The following SLC3A2 variants were observed in gnomAD, a reference collection of about 807,000 sequenced individuals.
SLC3A2 encodes the protein amino acid transporter heavy chain SLC3A2.
In SLC3A2, 32 loss-of-function variants were observed where a neutral mutation model predicts 48.5. That is an observed-to-expected ratio of 0.66 (90% CI 0.50 to 0.89). The LOEUF is 0.89. SLC3A2 is among the 40% of genes least tolerant of loss of function. SLC3A2 has a pLI of 0.00. For synonymous variants in SLC3A2, 277 were observed against 288.8 expected, an observed-to-expected ratio of 0.96 and a Z score of 0.41; for missense variants, 587 against 680.7, an observed-to-expected ratio of 0.86 and a Z score of 1.53.
intron 1 of SLC3A2, chr11:62,870,750 G>A (rs1467848756): frequency 1.7e-5 from 3 of 178,886 alleles, no homozygotes; most frequent in Non-Finnish European, 3.4e-5. Context: ...TGTAGAGTTG[G>A]GGTCTCACTG....
At chr11:62,884,764 G>T (rs924179879) in intron 5 of SLC3A2, 74 bp downstream of exon 5, 27 of 1,223,702 alleles carry the variant, frequency 2.2e-5, no homozygotes, top group Non-Finnish European at 2.8e-5. Context: ...GCCTAAGAAG[G>T]GGGGATTCCT....
At chr11:62,885,125 C>G in intron 5 of SLC3A2, 52 bp from the exon 6 acceptor site, 1 of 1,595,488 alleles carries the variant, frequency 6.3e-7, no homozygotes, top group Admixed American at 1.7e-5. Context: ...GCCACTGCGC[C>G]TGGCCCCATT....
At position 62,881,143 on chromosome 11, in the gene SLC3A2, T is replaced by C; in HGVS notation, c.120T>C (p.Asn40=). The change falls in exon 1 of 9, where the codon AAT becomes AAC. Residue 40 remains asparagine (N), a synonymous_variant. Transcript: ENST00000338663. The surrounding 1 kb of genome is among the most constrained non-coding windows in gnomAD (Gnocchi z 4.0). ...TGTCCCTGGCGGGAGCCGAGAAGAATGGTCTGGTGAAGATCAAGGTGGCGG... is the reference window on the plus strand; with the variant it reads ...TGTCCCTGGCGGGAGCCGAGAAGAACGGTCTGGTGAAGATCAAGGTGGCGG... The part of the protein sequence containing the change: ...AAMSLAGAEK[N]GLVKIKVAED... The C allele has an allele frequency of 6.2e-7, 1 of 1,603,384 alleles. No individual in the cohort carries two copies. The highest frequency in any genetic ancestry group is 1.3e-5 in the African/African-American group (1 of 74,970).
At chr11:62,872,996 T>A (rs569276855) in intron 1 of SLC3A2, among the ~76,000 whole-genome samples, 67 of 152,320 alleles carry the variant, frequency 4.4e-4, no homozygotes, top group African/African-American at 1.5e-3. Context: ...CAATATTTTA[T>A]ATTCTCTTTC....
chr11:62,865,885 C>T (rs895910726), intron 1 of SLC3A2, among the ~76,000 whole-genome samples: 3 of 152,048 alleles, frequency 2.0e-5, no homozygotes, highest in Non-Finnish European at 4.4e-5. Flanking sequence ...GGAGATACTT[C>T]CCCGTATATC....
rs35320203 is a variant in SLC3A2, at chr11:62,865,561, C to CAAA, written c.112+9200_112+9202dup. Among the ~76,000 whole-genome samples, 316 of 86,296 alleles carry CAAA rather than the reference C, an allele frequency of 3.7e-3. 1 individual carries two copies. Among genetic ancestry groups the CAAA allele is most frequent in the Non-Finnish European group, 4.6e-3 (225 of 48,688 alleles). 56.6% of individuals were successfully genotyped at this position (86,296 alleles called of 152,430 possible). A position where few individuals can be genotyped will look rare whatever the true frequency, so the allele number is the denominator to read the frequency against. On this transcript the variant is annotated intron_variant, in intron 1 of 9. Coordinates refer to the SLC3A2 transcript ENST00000377889. ...ACAGAGCAAGACTCTGTCTCCCCCA[C>CAAA]AAAAAAAAAAAAAAAAAAAAAAGTT...
chr11:62,856,131 C>A, upstream of SLC3A2: 2 of 643,716 alleles, frequency 3.1e-6, no homozygotes, highest in Non-Finnish European at 5.1e-6. Context: ...GGTTTTCTCA[C>A]CCAGTGCATG....
chr11:62,876,838 T>C (rs190424203), upstream of SLC3A2: 476 of 853,816 alleles, frequency 5.6e-4, no homozygotes, highest in African/African-American at 6.3e-3. Flanking sequence ...CTGACCTCAA[T>C]TGATCCGACT....
At chr11:62,885,685 T>G (rs1334161532) in intron 7 of SLC3A2, 77 bp downstream of exon 7, 27 of 1,529,804 alleles carry the variant, frequency 1.8e-5, no homozygotes, top group Middle Eastern at 3.4e-4. Flanking sequence ...TGGCGGCACA[T>G]AGACGTGAGC....
In SLC3A2 at chr11:62,881,664, A is replaced by T. The variant is rs2085641241; in HGVS notation, c.424+217A>T. The T allele has an allele frequency of 1.2e-6, 1 of 865,330 alleles. No homozygotes were observed. The highest frequency in any genetic ancestry group is 2.8e-5 in the East Asian group (1 of 36,118). 53.6% of individuals were successfully genotyped at this position (865,330 alleles called of 1,614,324 possible). On this transcript the variant is annotated intron_variant, in intron 1 of 8. Transcript: ENST00000338663. This position sits in a 1 kb window ranked among gnomAD's most constrained non-coding sequence, Gnocchi z 4.0. ...CCTCACTCCGTCACGAGGGTGGGTG[A>T]CTCAGCGTCCTCCTTCCCCGCGGCG... is the stretch of plus-strand genomic sequence containing the variant.
intron 1 of SLC3A2, among the ~76,000 whole-genome samples, chr11:62,868,415 G>T (rs1314850598): frequency 4.0e-5 from 6 of 148,230 alleles, no homozygotes; most frequent in Non-Finnish European, 8.9e-5. Flanking sequence ...GCCCAGGCTG[G>T]AGTGCAGTGG....
At chr11:62,883,877 C>A in intron 3 of SLC3A2, 1 of 423,982 alleles carries the variant, frequency 2.4e-6, no homozygotes. Flanking sequence ...GGATTCCATT[C>A]AGCAGCACTG....
chr11:62,878,141 A>G (rs1211100102), upstream of SLC3A2, among the ~76,000 whole-genome samples: 1 of 151,438 alleles, frequency 6.6e-6, no homozygotes, highest in Non-Finnish European at 1.5e-5. Flanking sequence ...GCTGGGTGAC[A>G]GTGTGAGACC....
At chr11:62,865,473 AACCCTGG>A (rs2085442648) in intron 1 of SLC3A2, among the ~76,000 whole-genome samples, 2 of 151,368 alleles carry the variant, frequency 1.3e-5, no homozygotes, top group South Asian at 4.2e-4. Flanking sequence ...GAGTCCCTTG[AACCCTGG>A]AGGTGGAGGA....
At chr11:62,864,303 C>T (rs1412863953) in intron 1 of SLC3A2, among the ~76,000 whole-genome samples, 1 of 132,530 alleles carries the variant, frequency 7.5e-6, no homozygotes, top group Non-Finnish European at 1.8e-5. Flanking sequence ...CTGTTAAATA[C>T]TTGGTTTTTT....
chr11:62,870,850 A>G (rs2085506132), intron 1 of SLC3A2: 1 of 134,782 alleles, frequency 7.4e-6, no homozygotes, highest in Non-Finnish European at 1.2e-5. Context: ...AATAATAATA[A>G]TAATAATTAT....
chr11:62,886,147 A>G (rs945990715), intron 7 of SLC3A2, among the ~76,000 whole-genome samples: 4 of 152,070 alleles, frequency 2.6e-5, no homozygotes, highest in African/African-American at 9.7e-5. Context: ...AAAATTAGCC[A>G]GGTGTGGTGG....
At chr11:62,870,849 A>AAT in intron 1 of SLC3A2, 1 of 143,234 alleles carries the variant, frequency 7.0e-6, no homozygotes, top group Non-Finnish European at 1.2e-5. Context: ...TAATAATAAT[A>AAT]ATAATAATTA....
chr11:62,868,524 C>T (rs2085477220), intron 1 of SLC3A2, among the ~76,000 whole-genome samples: 1 of 151,884 alleles, frequency 6.6e-6, no homozygotes, highest in South Asian at 2.1e-4. Context: ...CGCCACCACG[C>T]CTGGCTAATT....
Sources: allele counts gnomAD v4.1 joint callset (sites outside exome capture counted in the v4.1 genomes callset), GRCh38; gene constraint gnomAD v4.1.1; non-coding constraint Gnocchi (gnomAD v3.1); transcripts MANE v1.5; gene names NCBI Gene and HGNC (gene_info 2026-07-23, HGNC 2026-07-21).